Variants in SATB2 observed in about 807,000 individuals in gnomAD.
SATB2 encodes the protein SATB homeobox 2.
SATB2 carries 1 observed loss-of-function variant against 73.4 expected under a neutral mutation model. That is an observed-to-expected ratio of 0.01 (90% CI 0.00 to 0.06). The LOEUF is 0.06. SATB2 is among the 10% of genes least tolerant of loss of function. SATB2 has a pLI of 1.00. For missense variants in SATB2, 459 were observed against 945.8 expected, an observed-to-expected ratio of 0.49 and a Z score of 6.75; for synonymous variants, 397 against 367.0, an observed-to-expected ratio of 1.08 and a Z score of -0.93.
At chr2:199,349,298 A>G in intron 6 of SATB2, 125 bp from the exon 7 acceptor site, 1 of 745,080 alleles carries the variant, frequency 1.3e-6, no homozygotes, top group South Asian at 1.7e-5. Context: ...TCATACAACG[A>G]TGGAAGCTCC....
upstream of SATB2, chr2:199,458,499 C>T (rs577779687): frequency 5.1e-4 from 193 of 380,266 alleles, 1 homozygote; most frequent in African/African-American, 3.7e-3. Context: ...TGCGTCTGGG[C>T]GCAGGCGGGC....
intron 3 of SATB2, among the ~76,000 whole-genome samples, chr2:199,423,197 A>G (rs1691223911): frequency 6.6e-6 from 1 of 152,086 alleles, no homozygotes; most frequent in Non-Finnish European, 1.5e-5. Context: ...TTTATTACAT[A>G]TTGAGTTGCT....
intron 10 of SATB2, among the ~76,000 whole-genome samples, chr2:199,296,846 T>A (rs910201224): frequency 6.6e-6 from 1 of 152,208 alleles, no homozygotes; most frequent in Admixed American, 6.5e-5. Flanking sequence ...TTTCTCTTAT[T>A]GGGTCAAAGG....
rs190117543 is a variant in SATB2, at chr2:199,322,389, C to A, written c.1542+1414G>T. Among the ~76,000 whole-genome samples, 35 of 152,304 alleles carry A rather than the reference C, an allele frequency of 2.3e-4. No homozygotes were observed. The East Asian group carries it at 6.6e-3, about 29-fold the overall frequency. ...GCATTTAACAGCTTTATTCGTTTAA[C>A]AGCTCCAACTCTCATTATATTTTGC... On this transcript the variant is annotated intron_variant, in intron 9 of 10. Coordinates refer to ENST00000417098, the MANE Select transcript of SATB2 (RefSeq NM_001172509.2).
At position 199,402,143 on chromosome 2, in the gene SATB2, T is replaced by C. The variant is rs7580226; in HGVS notation, c.347-20323A>G. Among the ~76,000 whole-genome samples the C allele has an allele frequency of 7.3e-3, 1,111 of 152,218 alleles. 10 individuals are homozygous for C. Among genetic ancestry groups the C allele is most frequent in the African/African-American group, 0.025 (1,057 of 41,530 alleles). ...GGCTCACACCCGTAATCCCAGCACTTTGGGAGGCCGAGGCGGGTGGATCAT... is the reference window on the plus strand; with the variant it reads ...GGCTCACACCCGTAATCCCAGCACTCTGGGAGGCCGAGGCGGGTGGATCAT... On this transcript the variant is annotated intron_variant, in intron 3 of 10. Coordinates refer to ENST00000417098, the MANE Select transcript of SATB2 (RefSeq NM_001172509.2).
intron 3 of SATB2, among the ~76,000 whole-genome samples, chr2:199,392,211 TTC>T (rs1356908564): frequency 6.6e-6 from 1 of 152,142 alleles, no homozygotes; most frequent in Non-Finnish European, 1.5e-5. Context: ...AATCCACTAA[TTC>T]TCCTCAAAAG....
chr2:199,463,036 A>T lies in SATB2; in HGVS notation c.-141+1800T>A, dbSNP rs1292569789. On this transcript the variant is annotated intron_variant, in intron 1 of 11. Coordinates refer to the SATB2 transcript ENST00000260926. The surrounding 1 kb of genome is among the most constrained non-coding windows in gnomAD (Gnocchi z 6.4). ...CCCTGGGGGAAGAAAGCGAGGAGAT[A>T]GGTTTCAGAGCTGGGGGAGTCGTTG... Among the ~76,000 whole-genome samples, 3 of 152,024 alleles carry T rather than the reference A, an allele frequency of 2.0e-5. No individual in the cohort carries two copies. The highest frequency in any genetic ancestry group is 7.2e-5 in the African/African-American group (3 of 41,408).
At chr2:199,448,586 A>C (rs1316523233) in intron 2 of SATB2, among the ~76,000 whole-genome samples, 2 of 152,172 alleles carry the variant, frequency 1.3e-5, no homozygotes, top group East Asian at 3.8e-4. Context: ...AGATCTTAGC[A>C]CTTTGGAAAA....
At chr2:199,465,184 T>A (rs1391720401), upstream of SATB2, 1 of 152,188 alleles carries the variant, frequency 6.6e-6, no homozygotes, top group Non-Finnish European at 1.5e-5. Context: ...TGAGTGTAGA[T>A]GTGTGAAAGT....
At chr2:199,312,893 T>C (rs1687633653) in intron 9 of SATB2, among the ~76,000 whole-genome samples, 1 of 151,910 alleles carries the variant, frequency 6.6e-6, no homozygotes, top group Admixed American at 6.6e-5. Flanking sequence ...AACTGAGAAG[T>C]GTTCAACAAA....
chr2:199,458,831 G>A, upstream of SATB2: 2 of 305,478 alleles, frequency 6.5e-6, no homozygotes, highest in South Asian at 4.6e-5. Context: ...CTCCCCCTCC[G>A]CGCCGAGCCG....
intron 2 of SATB2, among the ~76,000 whole-genome samples, chr2:199,452,234 T>C (rs1367551951): frequency 2.0e-5 from 3 of 152,144 alleles, no homozygotes; most frequent in Non-Finnish European, 4.4e-5. Flanking sequence ...TAAATAAAGC[T>C]GTCTGAAAGT....
At chr2:199,359,055 A>G (rs762407515) in intron 6 of SATB2, among the ~76,000 whole-genome samples, 2 of 152,186 alleles carry the variant, frequency 1.3e-5, no homozygotes, top group African/African-American at 4.8e-5. Context: ...AATTCAGCAC[A>G]TGATAGTAAA....
intron 3 of SATB2, among the ~76,000 whole-genome samples, chr2:199,394,306 A>G (rs1396974801): frequency 6.6e-6 from 1 of 152,204 alleles, no homozygotes; most frequent in Non-Finnish European, 1.5e-5. Context: ...GCAAGATACA[A>G]AAATCTCAAA....
Position 199,437,103 on chromosome 2 carries a change from C to A in SATB2, c.170-3589G>T, listed in dbSNP as rs567925766. 2.0e-5 allele frequency among the ~76,000 whole-genome samples: 3 copies of A among 152,118 alleles called. No individual in the cohort carries two copies. The South Asian group carries it at 6.2e-4, about 32-fold the overall frequency. ...AAGAAAAAAGAAAATCTTGCTCTAG[C>A]CCTATATCTTGAGCTTCCAATATTA... On this transcript the variant is annotated intron_variant, in intron 2 of 10. Coordinates refer to ENST00000417098, the MANE Select transcript of SATB2 (RefSeq NM_001172509.2).
intron 3 of SATB2, 146 bp downstream of exon 3, chr2:199,433,192 C>A: frequency 2.4e-6 from 2 of 826,928 alleles, no homozygotes; most frequent in Non-Finnish European, 3.7e-6. Flanking sequence ...AGACCTTCTA[C>A]AAGAAATATT....
At chr2:199,398,611 A>G (rs1690374546) in intron 3 of SATB2, among the ~76,000 whole-genome samples, 1 of 152,206 alleles carries the variant, frequency 6.6e-6, no homozygotes, top group African/African-American at 2.4e-5. Flanking sequence ...CCTTATCTGT[A>G]AACAAGATGA....
chr2:199,284,051 T>C (rs1027941681), intron 10 of SATB2, among the ~76,000 whole-genome samples: 2 of 152,230 alleles, frequency 1.3e-5, no homozygotes, highest in Non-Finnish European at 2.9e-5. Context: ...AGCCTATCAC[T>C]CCAGGAAAAA....
At position 199,293,745 on chromosome 2, in the gene SATB2, G is replaced by C. The variant is rs114950458; in HGVS notation, c.1740+15015C>G. 8.7e-3 allele frequency among the ~76,000 whole-genome samples: 1,330 copies of C among 152,168 alleles called. 20 individuals carry two copies. The highest frequency in any genetic ancestry group is 0.03 in the African/African-American group (1,233 of 41,538). On this transcript the variant is annotated intron_variant, in intron 10 of 10. Transcript: ENST00000417098. ...GATTCGCTTTTGGTATTCAGTCTCT[G>C]ACACCACCATGTCTGTGAGATCACA... is the stretch of plus-strand genomic sequence containing the variant.
Sources: gnomAD v4.1 joint callset for allele counts (sites outside exome capture counted in the v4.1 genomes callset) on GRCh38, gnomAD v4.1.1 for gene constraint, Gnocchi (gnomAD v3.1) non-coding constraint, MANE v1.5 for transcripts, NCBI Gene and HGNC (gene_info 2026-07-23, HGNC 2026-07-21) for gene names.